Variants in CDKAL1 observed in about 807,000 individuals in gnomAD.
The protein encoded by CDKAL1 is threonylcarbamoyladenosine tRNA methylthiotransferase.
CDKAL1 carries 32 observed loss-of-function variants against 68.2 expected under a neutral mutation model. The ratio of observed to expected loss-of-function variants is 0.47; its 90% confidence interval spans 0.35 to 0.63. The LOEUF (loss-of-function observed/expected upper bound fraction) is 0.63. Ranked by LOEUF, CDKAL1 falls within the 30% of genes least tolerant of loss-of-function variation. CDKAL1 has a pLI of 0.00. For synonymous variants in CDKAL1, 234 were observed against 244.3 expected, an observed-to-expected ratio of 0.96 and a Z score of 0.39; for missense variants, 606 against 696.7, an observed-to-expected ratio of 0.87 and a Z score of 1.47.
chr6:21,082,714 C>A (rs753252957), intron 12 of CDKAL1, among the ~76,000 whole-genome samples: 2 of 151,930 alleles, frequency 1.3e-5, no homozygotes, highest in South Asian at 4.1e-4. Context: ...AATACAAAGA[C>A]CTCCAGTACA....
intron 13 of CDKAL1, among the ~76,000 whole-genome samples, chr6:21,193,389 G>A (rs189982088): frequency 3.2e-3 from 482 of 152,210 alleles, no homozygotes; most frequent in South Asian, 4.4e-3. Context: ...GAAACCTTTG[G>A]ATGTGCTGAT....
At chr6:21,130,502 G>A (rs1309573590) in intron 13 of CDKAL1, among the ~76,000 whole-genome samples, 4 of 152,194 alleles carry the variant, frequency 2.6e-5, no homozygotes, top group South Asian at 4.1e-4. Flanking sequence ...TGGGATTACA[G>A]GCATGAGCCA....
At chr6:20,757,321 T>C (rs936668217) in intron 6 of CDKAL1, among the ~76,000 whole-genome samples, 4 of 152,196 alleles carry the variant, frequency 2.6e-5, no homozygotes, top group Admixed American at 2.0e-4. Flanking sequence ...AATGAAAGAA[T>C]AGAAATTTTT....
chr6:21,126,798 A>G (rs879763695), intron 13 of CDKAL1, among the ~76,000 whole-genome samples: 1 of 152,206 alleles, frequency 6.6e-6, no homozygotes, highest in African/African-American at 2.4e-5. Context: ...GCTGGTTTAA[A>G]CAAAGAGATC....
intron 9 of CDKAL1, among the ~76,000 whole-genome samples, chr6:20,884,235 G>A (rs2150567030): frequency 1.3e-5 from 2 of 152,110 alleles, no homozygotes; most frequent in Admixed American, 1.3e-4. Flanking sequence ...AATGAATGAA[G>A]AAAAGGTATT....
At chr6:20,937,245 C>T (rs1763765137) in intron 9 of CDKAL1, among the ~76,000 whole-genome samples, 3 of 152,106 alleles carry the variant, frequency 2.0e-5, no homozygotes. Context: ...CCACCACACC[C>T]AGCTAATTTA....
chr6:20,713,119 A>G (rs541444789), intron 5 of CDKAL1, among the ~76,000 whole-genome samples: 1 of 152,194 alleles, frequency 6.6e-6, no homozygotes, highest in Non-Finnish European at 1.5e-5. Context: ...GATGACTTTA[A>G]TTATTTCAAG....
At chr6:21,094,328 G>C (rs1182947851) in intron 12 of CDKAL1, among the ~76,000 whole-genome samples, 1 of 152,186 alleles carries the variant, frequency 6.6e-6, no homozygotes, top group Non-Finnish European at 1.5e-5. Flanking sequence ...GTTGAAGGTA[G>C]TTACTTCTAA....
At chr6:20,794,006 C>G (rs1452087368) in intron 8 of CDKAL1, among the ~76,000 whole-genome samples, 1 of 151,526 alleles carries the variant, frequency 6.6e-6, no homozygotes, top group African/African-American at 2.4e-5. Context: ...TTTGCTTATA[C>G]ATATATATCT....
chr6:21,036,263 A>T (rs1299238566), intron 11 of CDKAL1, among the ~76,000 whole-genome samples: 2 of 152,174 alleles, frequency 1.3e-5, no homozygotes, highest in Admixed American at 1.3e-4. Context: ...ATTAAGAAAC[A>T]TTAAGTCCAT....
Position 21,201,110 on chromosome 6 carries a change from G to A in CDKAL1, c.1384G>A (p.Val462Ile). The change falls in exon 15 of 16, where the codon GTT (valine) becomes ATT (isoleucine). Residue 462 changes from valine to isoleucine, a missense_variant and splice_region_variant. Coordinates refer to ENST00000274695, the MANE Select transcript of CDKAL1 (RefSeq NM_017774.3). ...AGCCTCTGAAACAAATGTGTTTAAG[G>A]TTTTAGTGCCAAAGAACCCTGCGTT... is the stretch of plus-strand genomic sequence containing the variant. ...YVAHNQFYEQVLVPKNPAFMG... is the reference protein window; with the variant it reads ...YVAHNQFYEQILVPKNPAFMG... The A allele has an allele frequency of 1.2e-6, 2 of 1,606,704 alleles. No homozygotes were observed. Among genetic ancestry groups the A allele is most frequent in the Non-Finnish European group, 1.7e-6 (2 of 1,174,260 alleles).
At chr6:21,107,226 C>T (rs1773894198) in intron 12 of CDKAL1, among the ~76,000 whole-genome samples, 2 of 152,156 alleles carry the variant, frequency 1.3e-5, no homozygotes, top group African/African-American at 2.4e-5. Context: ...GGATTACAGG[C>T]GTGAGCCACC....
At chr6:20,654,947 A>G (rs1768956337) in intron 5 of CDKAL1, among the ~76,000 whole-genome samples, 2 of 152,206 alleles carry the variant, frequency 1.3e-5, no homozygotes, top group South Asian at 4.1e-4. Context: ...AACAAGGAAT[A>G]CTGTTGTGTG....
At chr6:21,082,871 T>TTTG (rs1460841602) in intron 12 of CDKAL1, among the ~76,000 whole-genome samples, 8 of 131,656 alleles carry the variant, frequency 6.1e-5, no homozygotes, top group Admixed American at 2.4e-4. Flanking sequence ...TTATGTTTCT[T>TTTG]TTGTTTTTTT....
chr6:20,627,483 G>T (rs982147439), intron 4 of CDKAL1, among the ~76,000 whole-genome samples: 1 of 152,076 alleles, frequency 6.6e-6, no homozygotes, highest in Non-Finnish European at 1.5e-5. Context: ...TGACCAGAAA[G>T]TATTGATTGG....
chr6:21,057,648 T>G (rs538053972), intron 11 of CDKAL1, among the ~76,000 whole-genome samples: 3 of 149,224 alleles, frequency 2.0e-5, no homozygotes, highest in East Asian at 3.9e-4. Context: ...CTTTTTGATC[T>G]GGGCATTTAG....
chr6:21,076,994 T>C (rs1427327909), intron 12 of CDKAL1, among the ~76,000 whole-genome samples: 4 of 152,190 alleles, frequency 2.6e-5, no homozygotes, highest in Admixed American at 6.5e-5. Context: ...AATAGAAAGA[T>C]AGTTGAGAGC....
chr6:20,572,849 A>G (rs1012333355), intron 4 of CDKAL1, among the ~76,000 whole-genome samples: 29 of 152,236 alleles, frequency 1.9e-4, no homozygotes, highest in African/African-American at 6.7e-4. Context: ...ATGATCACCA[A>G]TTTTTGAAAG....
intron 13 of CDKAL1, among the ~76,000 whole-genome samples, chr6:21,171,375 G>A (rs1777378319): frequency 6.6e-6 from 1 of 151,910 alleles, no homozygotes; most frequent in South Asian, 2.1e-4. Context: ...ACCACACCTG[G>A]CTAATTTTTG....
Sources: allele counts gnomAD v4.1 joint callset (sites outside exome capture counted in the v4.1 genomes callset), GRCh38; gene constraint gnomAD v4.1.1; transcripts MANE v1.5; gene names NCBI Gene and HGNC (gene_info 2026-07-23, HGNC 2026-07-21).